The following THEMIS variants were observed in gnomAD, a reference collection of about 807,000 sequenced individuals.
The protein encoded by THEMIS is protein THEMIS.
In THEMIS, 37 loss-of-function variants were observed where a neutral mutation model predicts 52.6. That is an observed-to-expected ratio of 0.70 (90% confidence interval 0.54 to 0.93). THEMIS has a LOEUF of 0.93. Among genes scored for constraint, THEMIS ranks in the 40% least tolerant of loss-of-function variants. The pLI, the probability that THEMIS is intolerant of heterozygous loss-of-function variation, is 0.00. For synonymous variants in THEMIS, 292 were observed against 272.7 expected, an observed-to-expected ratio of 1.07 and a Z score of -0.70; for missense variants, 808 against 763.1, an observed-to-expected ratio of 1.06 and a Z score of -0.69.
chr6:127,794,990 A>C (rs1216537345), intron 4 of THEMIS, among the ~76,000 whole-genome samples: 5 of 152,340 alleles, frequency 3.3e-5, no homozygotes, highest in Admixed American at 2.6e-4. Context: ...GCAGAAAGAA[A>C]GACTTGACGG....
chr6:127,815,171 A>AAAT (rs1562276348), intron 3 of THEMIS, among the ~76,000 whole-genome samples: 1 of 152,136 alleles, frequency 6.6e-6, no homozygotes, highest in African/African-American at 2.4e-5. Context: ...AAATAAAAAA[A>AAAT]AATAATAAAG....
intron 1 of THEMIS, among the ~76,000 whole-genome samples, chr6:127,897,297 G>A (rs148495904): frequency 1.3e-5 from 2 of 151,350 alleles, no homozygotes; most frequent in East Asian, 1.9e-4. Context: ...ACACTAACAC[G>A]AAAGTGGAAA....
chr6:127,859,710 C>G (rs902396592), intron 1 of THEMIS, among the ~76,000 whole-genome samples: 3 of 152,052 alleles, frequency 2.0e-5, no homozygotes, highest in Non-Finnish European at 4.4e-5. Flanking sequence ...TGTGAATTCT[C>G]TAGACAAGGA....
chr6:127,807,399 CTAAAATTGTA>C (rs1174487303), intron 4 of THEMIS: 1 of 211,242 alleles, frequency 4.7e-6, no homozygotes, highest in African/African-American at 2.6e-5. Flanking sequence ...GTCAAAAAAG[CTAAAATTGTA>C]TCTCACAGTC....
At chr6:127,909,052 A>G (rs752711146) in intron 1 of THEMIS, among the ~76,000 whole-genome samples, 2 of 151,536 alleles carry the variant, frequency 1.3e-5, no homozygotes, top group Non-Finnish European at 2.9e-5. Context: ...TATATTAAGT[A>G]TATATATTAC....
At chr6:127,716,825 G>C (rs900646763) in intron 5 of THEMIS, among the ~76,000 whole-genome samples, 7 of 152,044 alleles carry the variant, frequency 4.6e-5, no homozygotes, top group Middle Eastern at 3.4e-3. Flanking sequence ...AAGTAAGATG[G>C]GGAAAGAGTC....
At chr6:127,839,222 C>T (rs1256657428) in intron 2 of THEMIS, among the ~76,000 whole-genome samples, 5 of 151,880 alleles carry the variant, frequency 3.3e-5, no homozygotes, top group East Asian at 1.9e-4. Context: ...GATTCAAGCA[C>T]GTCTATTTTT....
chr6:127,777,994 CTTGACAAATGTACA>C (rs1328316347), intron 4 of THEMIS, among the ~76,000 whole-genome samples: 1 of 152,080 alleles, frequency 6.6e-6, no homozygotes, highest in East Asian at 1.9e-4. Context: ...AAGGCTGGAC[CTTGACAAATGTACA>C]TTGACAAATG....
intron 1 of THEMIS, among the ~76,000 whole-genome samples, chr6:127,877,047 T>C (rs937542019): frequency 1.3e-5 from 2 of 152,318 alleles, no homozygotes; most frequent in Non-Finnish European, 2.9e-5. Flanking sequence ...AATAGAATTA[T>C]GTCTAAAAAA....
chr6:127,705,135 G>T (rs1337933555), downstream of THEMIS, among the ~76,000 whole-genome samples: 1 of 152,182 alleles, frequency 6.6e-6, no homozygotes, highest in Non-Finnish European at 1.5e-5. Context: ...CTTGGATTCA[G>T]ATAGAGTTGA....
chr6:127,784,385 T>TA (rs931342912), intron 4 of THEMIS, among the ~76,000 whole-genome samples: 32 of 150,396 alleles, frequency 2.1e-4, no homozygotes, highest in East Asian at 5.8e-4. Context: ...AAAGTATATG[T>TA]AAAAAAAAAA....
intron 4 of THEMIS, among the ~76,000 whole-genome samples, chr6:127,787,880 T>TAGATG (rs200767496): frequency 1.7e-5 from 2 of 119,908 alleles, no homozygotes; most frequent in Non-Finnish European, 3.7e-5. Flanking sequence ...GATAGATAGA[T>TAGATG]ATAGATAGAT....
At chr6:127,739,470 T>C (rs116621512) in intron 4 of THEMIS, among the ~76,000 whole-genome samples, 1,595 of 152,064 alleles carry the variant, frequency 0.01, 39 homozygotes, top group African/African-American at 0.037. Flanking sequence ...AAGTAGACCA[T>C]CTCTACTAAA....
chr6:127,736,419 T>G (rs1775007123), intron 4 of THEMIS, among the ~76,000 whole-genome samples: 1 of 152,092 alleles, frequency 6.6e-6, no homozygotes, highest in African/African-American at 2.4e-5. Context: ...GAAATTTAGA[T>G]AAGTAGGGAA....
chr6:127,883,730 A>G (rs1780558878), intron 1 of THEMIS, among the ~76,000 whole-genome samples: 1 of 152,090 alleles, frequency 6.6e-6, no homozygotes, highest in South Asian at 2.1e-4. Context: ...ATTTTATTAT[A>G]AAATAAGATT....
chr6:127,822,019 TTAA>T (rs766644339), intron 3 of THEMIS, among the ~76,000 whole-genome samples: 3 of 151,956 alleles, frequency 2.0e-5, no homozygotes, highest in Non-Finnish European at 4.4e-5. Context: ...CCATTATTAT[TTAA>T]TAATAATAAT....
At chr6:127,707,699 C>T (rs780126350), downstream of THEMIS, among the ~76,000 whole-genome samples, 6 of 152,106 alleles carry the variant, frequency 3.9e-5, no homozygotes, top group South Asian at 2.1e-4. Context: ...CTCTCCCCAG[C>T]GTTTTACATG....
chr6:127,834,571 G>A (rs983851291), intron 2 of THEMIS, among the ~76,000 whole-genome samples: 5 of 151,918 alleles, frequency 3.3e-5, no homozygotes, highest in Non-Finnish European at 5.9e-5. Flanking sequence ...GCAACAGAGT[G>A]AGACTCCATC....
chr6:127,745,055 C>T (rs1218548223), intron 4 of THEMIS, among the ~76,000 whole-genome samples: 2 of 151,750 alleles, frequency 1.3e-5, no homozygotes, highest in Admixed American at 6.6e-5. Flanking sequence ...AGAAATGAAA[C>T]AATGGAACTT....
Sources: allele counts gnomAD v4.1 joint callset (sites outside exome capture counted in the v4.1 genomes callset), GRCh38; gene constraint gnomAD v4.1.1; transcripts MANE v1.5; gene names NCBI Gene and HGNC (gene_info 2026-07-23, HGNC 2026-07-21).